FAAH2: variants seen among roughly 807,000 people sequenced by gnomAD.
FAAH2 encodes fatty-acid amide hydrolase 2.
Under a neutral mutation model 36.9 loss-of-function variants are expected in FAAH2, and 60 were observed. The observed-to-expected ratio is 1.63, with a 90% CI of 1.32 to 2.02. The LOEUF (loss-of-function observed/expected upper bound fraction) is 2.02. FAAH2 is among the 30% of genes most tolerant of loss of function. FAAH2 has a pLI of 0.00. For missense variants in FAAH2, 689 were observed against 397.5 expected, an observed-to-expected ratio of 1.73 and a Z score of -6.23; for synonymous variants, 214 against 143.8, an observed-to-expected ratio of 1.49 and a Z score of -3.49.
the FAAH2 span, among the ~76,000 whole-genome samples, chrX:57,172,337 G>A: frequency 4.5e-5 from 5 of 111,264 alleles, no homozygotes; most frequent in Admixed American, 1.9e-4. Context: ...TGTGAGACGT[G>A]GGGAGTGGCT....
chrX:57,132,418 C>T, the FAAH2 span, among the ~76,000 whole-genome samples: 3 of 112,092 alleles, frequency 2.7e-5, no homozygotes, highest in Admixed American at 2.8e-4. Flanking sequence ...GTATAGAGCC[C>T]AACTCTGTCA....
chrX:57,164,155 A>C, the FAAH2 span, among the ~76,000 whole-genome samples: 1 of 112,224 alleles, frequency 8.9e-6, no homozygotes, highest in Non-Finnish European at 1.9e-5. Context: ...TTGGATCAGT[A>C]AAAACAGTTG....
chrX:57,189,222 T>C, the FAAH2 span, among the ~76,000 whole-genome samples: 192 of 110,869 alleles, frequency 1.7e-3, 1 homozygote, highest in African/African-American at 6.0e-3. Flanking sequence ...TTGTGCTGTG[T>C]TTTTTGGCTC....
chrX:57,408,959 AAT>A (rs1397483816), intron 7 of FAAH2, among the ~76,000 whole-genome samples: 1 of 111,214 alleles, frequency 9.0e-6, no homozygotes. Context: ...TTGTGTGAAC[AAT>A]ATAGAGTGTA....
At chrX:57,290,075 G>A (rs761503774) in intron 1 of FAAH2, among the ~76,000 whole-genome samples, 2 of 111,405 alleles carry the variant, frequency 1.8e-5, no homozygotes, top group South Asian at 7.6e-4. Context: ...CTGTAAAATG[G>A]GGATAACATT....
chrX:57,268,170 G>A, the FAAH2 span, among the ~76,000 whole-genome samples: 1 of 112,023 alleles, frequency 8.9e-6, no homozygotes, highest in South Asian at 3.7e-4. Context: ...ACCTGATAGA[G>A]CTGAAAAACA....
chrX:57,145,933 C>T, the FAAH2 span, among the ~76,000 whole-genome samples: 1 of 111,112 alleles, frequency 9.0e-6, no homozygotes, highest in East Asian at 2.8e-4. Flanking sequence ...GTTTTTATAC[C>T]AGTATCATGC....
the FAAH2 span, among the ~76,000 whole-genome samples, chrX:57,253,234 C>CAA: frequency 2.0e-5 from 2 of 100,113 alleles, no homozygotes; most frequent in African/African-American, 7.2e-5. Flanking sequence ...TGAAAAGAAA[C>CAA]AAAAAAAAAA....
intron 7 of FAAH2, among the ~76,000 whole-genome samples, chrX:57,400,609 C>T (rs1185079533): frequency 8.9e-6 from 1 of 112,114 alleles, no homozygotes; most frequent in Non-Finnish European, 1.9e-5. Flanking sequence ...TTCACTGTAC[C>T]TGGGAATCCA....
chrX:57,344,943 A>G (rs1003310159), intron 5 of FAAH2, among the ~76,000 whole-genome samples: 1 of 111,058 alleles, frequency 9.0e-6, no homozygotes, highest in Non-Finnish European at 1.9e-5. Context: ...AGCTTACTCA[A>G]CTGTTGTGAA....
chrX:57,259,857 A>G, the FAAH2 span, among the ~76,000 whole-genome samples: 1 of 111,836 alleles, frequency 8.9e-6, no homozygotes, highest in African/African-American at 3.2e-5. Context: ...ATATTTAAAG[A>G]ATTATTCAAG....
the FAAH2 span, among the ~76,000 whole-genome samples, chrX:57,245,301 T>A: frequency 9.0e-6 from 1 of 111,487 alleles, no homozygotes; most frequent in African/African-American, 3.3e-5. Flanking sequence ...AACACCCCAT[T>A]GTTAATATTG....
At chrX:57,376,213 A>T (rs1348248734) in intron 5 of FAAH2, among the ~76,000 whole-genome samples, 1 of 109,956 alleles carries the variant, frequency 9.1e-6, no homozygotes, top group Non-Finnish European at 1.9e-5. Context: ...CTTTTTCTTG[A>T]TAAGTCTTGT....
chrX:57,440,987 T>C (rs1488716626), intron 8 of FAAH2, among the ~76,000 whole-genome samples: 1 of 111,888 alleles, frequency 8.9e-6, no homozygotes, highest in Non-Finnish European at 1.9e-5. Context: ...TTTGATGTGC[T>C]CCTGGATTCA....
At chrX:57,184,593 A>G in the FAAH2 span, among the ~76,000 whole-genome samples, 3 of 112,854 alleles carry the variant, frequency 2.7e-5, no homozygotes, top group Non-Finnish European at 5.6e-5. Context: ...AAATTTGACA[A>G]CCTAAATGAA....
intron 7 of FAAH2, among the ~76,000 whole-genome samples, chrX:57,396,728 A>G (rs1028708354): frequency 8.9e-6 from 1 of 111,812 alleles, no homozygotes; most frequent in Non-Finnish European, 1.9e-5. Context: ...TTTCAAGTGT[A>G]TTGAGCCTTG....
chrX:57,362,305 G>A (rs1277596560), intron 5 of FAAH2, among the ~76,000 whole-genome samples: 1 of 110,340 alleles, frequency 9.1e-6, no homozygotes. Flanking sequence ...TGAGCAATGA[G>A]AACACACGGA....
chrX:57,456,938 C>T (rs995223281), intron 10 of FAAH2, among the ~76,000 whole-genome samples: 1 of 111,522 alleles, frequency 9.0e-6, no homozygotes, highest in East Asian at 2.8e-4. Flanking sequence ...CTAATGCATT[C>T]TATGAATCCA....
At chrX:57,225,584 C>T in the FAAH2 span, among the ~76,000 whole-genome samples, 1 of 111,483 alleles carries the variant, frequency 9.0e-6, no homozygotes, top group Admixed American at 9.5e-5. Context: ...GGAGAAGTTC[C>T]ATGCACTGTT....
Sources: gnomAD v4.1 joint callset for allele counts (sites outside exome capture counted in the v4.1 genomes callset) on GRCh38, gnomAD v4.1.1 for gene constraint, MANE v1.5 for transcripts, NCBI Gene and HGNC (gene_info 2026-07-23, HGNC 2026-07-21) for gene names.